Variants in EYS observed in about 807,000 individuals in gnomAD.
EYS encodes the protein EGF-like photoreceptor maintenance factor.
Under a neutral mutation model 282.1 loss-of-function variants are expected in EYS, and 250 were observed. The observed-to-expected ratio is 0.89, with a 90% CI of 0.80 to 0.98. The LOEUF (loss-of-function observed/expected upper bound fraction) is 0.98, where lower values mean the gene tolerates loss of function less well. Ranked by LOEUF, EYS falls within the 50% of genes least tolerant of loss-of-function variation. EYS has a pLI of 0.00. For missense variants in EYS, 4,016 were observed against 3,709.0 expected (o/e 1.08, Z -2.15); for synonymous variants, 1,355 against 1,282.9 (o/e 1.06, Z -1.20).
At chr6:64,848,817 T>C (rs1163154737) in intron 19 of EYS, among the ~76,000 whole-genome samples, 1 of 150,994 alleles carries the variant, frequency 6.6e-6, no homozygotes, top group African/African-American at 2.4e-5. Flanking sequence ...AACTAATATT[T>C]AGTGTTCCAA....
At chr6:64,183,759 C>T (rs1362132372) in intron 31 of EYS, among the ~76,000 whole-genome samples, 3 of 152,064 alleles carry the variant, frequency 2.0e-5, no homozygotes, top group Non-Finnish European at 4.4e-5. Flanking sequence ...TTGATTGAAA[C>T]AGTGGTGGGA....
intron 28 of EYS, among the ~76,000 whole-genome samples, chr6:64,407,492 A>C (rs574221106): frequency 6.6e-6 from 1 of 152,270 alleles, no homozygotes; most frequent in Non-Finnish European, 1.5e-5. Flanking sequence ...ATGGAAGATA[A>C]CACCATTTAT....
At chr6:64,926,356 T>A (rs1445978692) in intron 15 of EYS, among the ~76,000 whole-genome samples, 1 of 152,074 alleles carries the variant, frequency 6.6e-6, no homozygotes, top group Admixed American at 6.5e-5. Context: ...TCCACATAGC[T>A]CCCTATGAGC....
intron 40 of EYS, among the ~76,000 whole-genome samples, chr6:63,768,032 C>G (rs1769839602): frequency 6.6e-6 from 1 of 152,090 alleles, no homozygotes; most frequent in South Asian, 2.1e-4. Context: ...ATGCAGAAGA[C>G]TGAAACTGGA....
intron 33 of EYS, among the ~76,000 whole-genome samples, chr6:64,063,566 C>T (rs1288060362): frequency 6.6e-6 from 1 of 152,132 alleles, no homozygotes; most frequent in African/African-American, 2.4e-5. Context: ...TCAATTATTC[C>T]TTAACATAGC....
At chr6:65,337,071 G>C (rs1770015731) in intron 10 of EYS, among the ~76,000 whole-genome samples, 1 of 151,304 alleles carries the variant, frequency 6.6e-6, no homozygotes, top group African/African-American at 2.4e-5. Flanking sequence ...TAGGAATTTG[G>C]TTTCATGGTC....
chr6:64,949,475 C>T (rs554447176), intron 14 of EYS, among the ~76,000 whole-genome samples: 1 of 152,012 alleles, frequency 6.6e-6, no homozygotes, highest in Non-Finnish European at 1.5e-5. Context: ...CCTCTCACAG[C>T]ATGCCAGTTT....
chr6:65,160,774 A>G (rs908951259), intron 12 of EYS, among the ~76,000 whole-genome samples: 3 of 150,974 alleles, frequency 2.0e-5, no homozygotes, highest in Non-Finnish European at 4.5e-5. Flanking sequence ...CAAGATTTGT[A>G]TATGTAAATT....
At chr6:64,686,557 C>T (rs374835479) in intron 22 of EYS, among the ~76,000 whole-genome samples, 18 of 149,746 alleles carry the variant, frequency 1.2e-4, no homozygotes, top group Middle Eastern at 3.5e-3. Context: ...CTGGTTAATG[C>T]GGTAAAACCC....
chr6:64,482,318 C>T (rs571941688), intron 26 of EYS, among the ~76,000 whole-genome samples: 1 of 151,684 alleles, frequency 6.6e-6, no homozygotes, highest in South Asian at 2.1e-4. Flanking sequence ...ACTCAAATGT[C>T]CATTATCTAT....
intron 13 of EYS, among the ~76,000 whole-genome samples, chr6:65,051,627 T>C (rs1773271861): frequency 6.6e-6 from 1 of 151,554 alleles, no homozygotes; most frequent in Non-Finnish European, 1.5e-5. Context: ...CATCATGTTG[T>C]ACAGGGCATC....
intron 5 of EYS, among the ~76,000 whole-genome samples, chr6:65,474,052 T>C (rs1765313389): frequency 2.6e-5 from 4 of 152,018 alleles, no homozygotes. Context: ...ACAAGTTTTG[T>C]ATTTGAAAAG....
At chr6:64,440,106 G>A (rs1368877070) in intron 26 of EYS, among the ~76,000 whole-genome samples, 2 of 151,400 alleles carry the variant, frequency 1.3e-5, no homozygotes, top group East Asian at 3.9e-4. Context: ...TTATTTTCAT[G>A]ACGTCCCCAA....
chr6:65,316,291 C>T (rs1364842560), intron 11 of EYS, among the ~76,000 whole-genome samples: 2 of 151,904 alleles, frequency 1.3e-5, no homozygotes, highest in African/African-American at 2.4e-5. Flanking sequence ...CATTTTTGGT[C>T]CCAATTTATC....
At chr6:65,515,947 T>A (rs1268543881) in intron 2 of EYS, among the ~76,000 whole-genome samples, 1 of 151,808 alleles carries the variant, frequency 6.6e-6, no homozygotes, top group East Asian at 1.9e-4. Flanking sequence ...ATAATAATAA[T>A]AAAATAAAAT....
chr6:64,436,260 G>T lies in EYS; in HGVS notation c.5841C>A (p.His1947Gln). ...LFIENGTLKY[H>Q]FYCPGEAKFK... Reference sequence around the variant, plus strand: ...ATTTTGCTTCACCAGGACAGTAAAAGTGGTACTGTTGGGGGAAAAAATTTT... The same window carrying T: ...ATTTTGCTTCACCAGGACAGTAAAATTGGTACTGTTGGGGGAAAAAATTTT... Residue 1947 changes from histidine to glutamine, a missense_variant, in exon 28 of 43, where the codon CAC (histidine) becomes CAA (glutamine). Coordinates refer to ENST00000503581, the MANE Select transcript of EYS (RefSeq NM_001142800.2). 1 of 1,536,406 alleles carries T rather than the reference G, an allele frequency of 6.5e-7. No homozygotes were observed. The highest frequency in any genetic ancestry group is 1.2e-5 in the South Asian group (1 of 81,598).
chr6:64,125,162 C>T (rs548402539), intron 31 of EYS, among the ~76,000 whole-genome samples: 3 of 151,272 alleles, frequency 2.0e-5, no homozygotes, highest in Admixed American at 6.6e-5. Flanking sequence ...CTGTCTCTCT[C>T]TCTCTCTCTC....
intron 19 of EYS, among the ~76,000 whole-genome samples, chr6:64,877,819 G>C (rs927173938): frequency 6.6e-6 from 1 of 152,076 alleles, no homozygotes; most frequent in African/African-American, 2.4e-5. Context: ...ACACATTGTA[G>C]AAAGATTCAA....
Position 64,803,334 on chromosome 6 carries a change from A to C in EYS, c.3443+10044T>G, listed in dbSNP as rs917090943. 4.1e-5 allele frequency among the ~76,000 whole-genome samples: 6 copies of C among 146,074 alleles called. No individual in the cohort carries two copies. The South Asian group carries it at 1.4e-3, about 33-fold the overall frequency. ...CTCCTTTCCACAGCTGGTCATCCAG[A>C]TGTCTCTCTGAGTCTGGCTGAGTAG... On this transcript the variant is annotated intron_variant, in intron 22 of 42. Coordinates refer to ENST00000503581, the MANE Select transcript of EYS (RefSeq NM_001142800.2).
Sources: allele counts gnomAD v4.1 joint callset (sites outside exome capture counted in the v4.1 genomes callset), GRCh38; gene constraint gnomAD v4.1.1; transcripts MANE v1.5; gene names NCBI Gene and HGNC (gene_info 2026-07-23, HGNC 2026-07-21).